Variants in NADK observed in about 807,000 individuals in gnomAD.
The protein encoded by NADK is poly(P)/ATP NAD kinase.
A neutral mutation model predicts 49.8 loss-of-function variants in NADK; 22 were observed. The observed-to-expected ratio is 0.44, with a 90% CI of 0.32 to 0.63. NADK has a LOEUF of 0.63. Among genes scored for constraint, NADK ranks in the 30% least tolerant of loss-of-function variants. The probability of loss-of-function intolerance (pLI) is 0.06; values close to 1 mark genes in which losing one functional copy is unlikely to be tolerated. For synonymous variants in NADK, 268 were observed against 253.7 expected (o/e 1.06, Z -0.54); for missense variants, 438 against 609.4 (o/e 0.72, Z 2.96).
intron 3 of NADK, among the ~76,000 whole-genome samples, chr1:1,759,399 C>T (rs1030125146): frequency 5.9e-5 from 9 of 152,342 alleles, no homozygotes; most frequent in Admixed American, 5.2e-4. Context: ...CACAGCCTGG[C>T]CCGCCTGGCC....
At chr1:1,753,328 C>CAGTGCCAG (rs1329944967) in intron 11 of NADK, among the ~76,000 whole-genome samples, 1 of 152,138 alleles carries the variant, frequency 6.6e-6, no homozygotes, top group Non-Finnish European at 1.5e-5. Context: ...GGGTGGGCAG[C>CAGTGCCAG]AGTGCCAGGG....
chr1:1,755,291 A>C (rs1053997896), intron 7 of NADK, 83 bp downstream of exon 7: 1 of 958,108 alleles, frequency 1.0e-6, no homozygotes, highest in Non-Finnish European at 1.7e-6. Context: ...TGCATCATTA[A>C]ATGAAAATAA....
Position 1,752,410 on chromosome 1 carries a change from T to C in NADK, c.*494A>G, listed in dbSNP as rs1191336283. ...AGAACAAAACCGCCTTGCCAGCCAC[T>C]GGCAAGACCATGCTTTCAATGGCGC... is the stretch of plus-strand genomic sequence containing the variant. On this transcript the variant is annotated 3_prime_UTR_variant, in exon 12 of 12. Transcript: ENST00000341426. 6.5e-6 allele frequency: 1 copy of C among 153,690 alleles called. No homozygotes were observed. The highest frequency in any genetic ancestry group is 1.4e-5 in the Non-Finnish European group (1 of 69,042). The allele number at this position is 153,690 out of a possible 1,614,324, so 9.5% of individuals were successfully genotyped here.
intron 7 of NADK, 53 bp downstream of exon 7, chr1:1,755,321 G>T: frequency 7.8e-7 from 1 of 1,288,254 alleles, no homozygotes; most frequent in Non-Finnish European, 1.1e-6. Flanking sequence ...AAGCAAGCGA[G>T]ACAGCAGCGC....
chr1:1,766,556 G>A (rs1368013398), intron 1 of NADK, among the ~76,000 whole-genome samples: 1 of 150,900 alleles, frequency 6.6e-6, no homozygotes, highest in Non-Finnish European at 1.5e-5. Flanking sequence ...TGAACCAGCA[G>A]ATATGTTGTG....
At chr1:1,776,003 G>A (rs1646199701) in intron 1 of NADK, among the ~76,000 whole-genome samples, 1 of 152,058 alleles carries the variant, frequency 6.6e-6, no homozygotes, top group Non-Finnish European at 1.5e-5. Context: ...GCTGGAGGAG[G>A]CCCTGTACCT....
At chr1:1,770,038 G>A (rs1219897798) in intron 1 of NADK, among the ~76,000 whole-genome samples, 2 of 152,024 alleles carry the variant, frequency 1.3e-5, no homozygotes, top group African/African-American at 2.4e-5. Context: ...GTGGTGGTGG[G>A]CACCTGTAAC....
intron 1 of NADK, among the ~76,000 whole-genome samples, chr1:1,767,612 G>A (rs1359853760): frequency 6.6e-6 from 1 of 152,180 alleles, no homozygotes; most frequent in African/African-American, 2.4e-5. Context: ...ATGAGGACAA[G>A]GTAGATTCTG....
upstream of NADK, chr1:1,778,929 C>G (rs576735217): frequency 4.6e-5 from 7 of 152,712 alleles, no homozygotes; most frequent in East Asian, 1.3e-3. The surrounding 1 kb of genome is among the most constrained non-coding windows in gnomAD (Gnocchi z 4.9). Flanking sequence ...CCGCCCGCCG[C>G]CGCTTCCCTA....
At position 1,752,835 on chromosome 1, in the gene NADK, C is replaced by T; in HGVS notation, c.*69G>A. ...TGAGACAGGCGGTCACAGACACACG[C>T]AGATTGGTCTGTCCCCAGAGGGCGC... On this transcript the variant is annotated 3_prime_UTR_variant, in exon 12 of 12. Coordinates refer to ENST00000341426, the MANE Select transcript of NADK (RefSeq NM_023018.5). The T allele has an allele frequency of 6.5e-7, 1 of 1,533,230 alleles. No homozygotes were observed. Among genetic ancestry groups the T allele is most frequent in the Non-Finnish European group, 8.9e-7 (1 of 1,127,130 alleles). The allele number at this position is 1,533,230 out of a possible 1,614,324, so 95.0% of individuals were successfully genotyped here.
intron 3 of NADK, chr1:1,758,544 G>C (rs1420826440): frequency 6.3e-7 from 1 of 1,586,432 alleles, no homozygotes; most frequent in Non-Finnish European, 8.6e-7. Flanking sequence ...GTATGGTCCT[G>C]ACTGTGCGCC....
chr1:1,759,932 A>C (rs773565174), intron 3 of NADK: 3 of 1,549,634 alleles, frequency 1.9e-6, no homozygotes, highest in South Asian at 1.2e-5. Flanking sequence ...CAGGGAGGGC[A>C]CCAGGCAGCG....
chr1:1,759,543 C>G (rs532242327), intron 3 of NADK, among the ~76,000 whole-genome samples: 1 of 152,372 alleles, frequency 6.6e-6, no homozygotes, highest in African/African-American at 2.4e-5. Context: ...CCTCACCAGG[C>G]GCCCCCACAG....
chr1:1,771,553 C>A (rs964423727), intron 1 of NADK, among the ~76,000 whole-genome samples: 9 of 152,086 alleles, frequency 5.9e-5, no homozygotes, highest in African/African-American at 1.9e-4. Flanking sequence ...AACAGGACGG[C>A]CAGCCCAAAG....
intron 1 of NADK, among the ~76,000 whole-genome samples, chr1:1,772,903 T>C (rs1646093546): frequency 6.6e-6 from 1 of 151,542 alleles, no homozygotes; most frequent in African/African-American, 2.4e-5. Context: ...CAGCCCGGCG[T>C]GGTGGCGCAT....
chr1:1,768,818 T>G (rs1462503758), intron 1 of NADK, among the ~76,000 whole-genome samples: 1 of 152,180 alleles, frequency 6.6e-6, no homozygotes, highest in Admixed American at 6.5e-5. Flanking sequence ...AACTAAAATA[T>G]GTGAGATGAT....
intron 1 of NADK, among the ~76,000 whole-genome samples, chr1:1,766,888 G>A (rs891692749): frequency 4.6e-5 from 7 of 151,388 alleles, no homozygotes; most frequent in African/African-American, 7.3e-5. Context: ...AGGATTATAG[G>A]CATGAGCCAC....
intron 1 of NADK, among the ~76,000 whole-genome samples, chr1:1,775,600 G>A (rs1369636262): frequency 6.6e-6 from 1 of 152,224 alleles, no homozygotes; most frequent in East Asian, 1.9e-4. Context: ...TTCTTTAGAT[G>A]TGGCTCCACC....
chr1:1,753,799 C>T (rs1645412882), intron 10 of NADK, 150 bp from the exon 11 acceptor site: 2 of 826,354 alleles, frequency 2.4e-6, no homozygotes, highest in South Asian at 3.6e-5. Flanking sequence ...AGGCACCGGC[C>T]CAGCTCAGCA....
Sources: gnomAD v4.1 joint callset for allele counts (sites outside exome capture counted in the v4.1 genomes callset) on GRCh38, gnomAD v4.1.1 for gene constraint, Gnocchi (gnomAD v3.1) non-coding constraint, MANE v1.5 for transcripts, NCBI Gene and HGNC (gene_info 2026-07-23, HGNC 2026-07-21) for gene names.